EYA2: variants seen among roughly 807,000 people sequenced by gnomAD.
The protein encoded by EYA2 is EYA transcriptional coactivator and phosphatase 2.
Under a neutral mutation model 69.2 loss-of-function variants are expected in EYA2, and 31 were observed. That is an observed-to-expected ratio of 0.45 (90% confidence interval 0.34 to 0.60). EYA2 has a LOEUF of 0.60. Among genes scored for constraint, EYA2 ranks in the 20% least tolerant of loss-of-function variants. The pLI, the probability that EYA2 is intolerant of heterozygous loss-of-function variation, is 0.02. For synonymous variants in EYA2, 257 were observed against 279.4 expected (o/e 0.92, Z 0.80); for missense variants, 622 against 701.2 (o/e 0.89, Z 1.28).
chr20:47,020,600 A>G (rs1018384235), intron 5 of EYA2, among the ~76,000 whole-genome samples: 5 of 149,208 alleles, frequency 3.4e-5, no homozygotes, highest in African/African-American at 1.0e-4. Context: ...AAAGAGGGGG[A>G]AAAAAATCTC....
chr20:46,954,575 C>T (rs770663464), intron 1 of EYA2, among the ~76,000 whole-genome samples: 6 of 152,174 alleles, frequency 3.9e-5, no homozygotes, highest in Non-Finnish European at 8.8e-5. Flanking sequence ...GTTTTTATGC[C>T]ACCTCTCTCC....
chr20:47,030,179 T>A (rs1235294843), intron 5 of EYA2, among the ~76,000 whole-genome samples: 1 of 152,220 alleles, frequency 6.6e-6, no homozygotes, highest in East Asian at 1.9e-4. Flanking sequence ...AATGTTTGGT[T>A]GGATATTTGA....
intron 1 of EYA2, among the ~76,000 whole-genome samples, chr20:46,972,470 C>T (rs1344450982): frequency 3.9e-5 from 6 of 152,150 alleles, no homozygotes; most frequent in South Asian, 2.1e-4. Context: ...CACCTTGTTC[C>T]GGCTCTGCCT....
intron 1 of EYA2, among the ~76,000 whole-genome samples, chr20:46,933,931 C>T (rs1336888685): frequency 6.6e-6 from 1 of 152,202 alleles, no homozygotes; most frequent in African/African-American, 2.4e-5. Flanking sequence ...ATGAATTTAC[C>T]CCACAGTATT....
intron 1 of EYA2, among the ~76,000 whole-genome samples, chr20:46,921,907 T>C (rs1985197735): frequency 6.6e-6 from 1 of 152,202 alleles, no homozygotes; most frequent in Admixed American, 6.5e-5. Context: ...CTAATACAGG[T>C]GGTTTTGCAT....
chr20:46,961,111 G>A (rs1979448446), intron 1 of EYA2, among the ~76,000 whole-genome samples: 1 of 152,206 alleles, frequency 6.6e-6, no homozygotes, highest in Non-Finnish European at 1.5e-5. Context: ...GAGGCAGGCG[G>A]GTCACCTGAA....
Position 47,179,932 on chromosome 20 carries a change from T to TA in EYA2, c.1313+20_1313+21insA. On this transcript the variant is annotated intron_variant, in intron 13 of 15. Transcript: ENST00000327619. ...CTCCCGGCAAGTGGCAGCCCTCATT[T>TA]TCCTCTGTGCCACTGAACTTTCTCG... 6.3e-7 allele frequency: 1 copy of TA among 1,585,098 alleles called. No individual in the cohort carries two copies. The highest frequency in any genetic ancestry group is 8.7e-7 in the Non-Finnish European group (1 of 1,154,320).
chr20:47,048,338 A>C (rs2030153708), intron 5 of EYA2, among the ~76,000 whole-genome samples: 1 of 152,236 alleles, frequency 6.6e-6, no homozygotes, highest in African/African-American at 2.4e-5. Context: ...GTTATTACAT[A>C]TGAGAAACTG....
chr20:47,051,622 G>A (rs1002337755), intron 5 of EYA2, among the ~76,000 whole-genome samples: 10 of 152,106 alleles, frequency 6.6e-5, no homozygotes, highest in South Asian at 4.1e-4. Context: ...GACCCAACCC[G>A]GACCCCAGTG....
intron 1 of EYA2, among the ~76,000 whole-genome samples, chr20:46,896,797 T>TC: frequency 6.6e-6 from 1 of 152,318 alleles, no homozygotes; most frequent in Non-Finnish European, 1.5e-5. Flanking sequence ...AGTTTATATG[T>TC]CCCCATTCTC....
intron 9 of EYA2, among the ~76,000 whole-genome samples, chr20:47,138,346 C>G (rs974825951): frequency 1.3e-4 from 20 of 152,028 alleles, no homozygotes; most frequent in African/African-American, 4.6e-4. Context: ...TAAGAATGCT[C>G]CAAGAGTAGG....
At chr20:46,898,913 C>T (rs1983952505) in intron 1 of EYA2, among the ~76,000 whole-genome samples, 1 of 152,178 alleles carries the variant, frequency 6.6e-6, no homozygotes, top group Non-Finnish European at 1.5e-5. Context: ...TCATTTTCAT[C>T]CTATTGAGTT....
At chr20:47,035,837 G>A (rs923179620) in intron 5 of EYA2, among the ~76,000 whole-genome samples, 36 of 150,710 alleles carry the variant, frequency 2.4e-4, no homozygotes, top group Admixed American at 6.6e-4. Context: ...GCAAAACCCC[G>A]TCTCTGAAAA....
intron 1 of EYA2, among the ~76,000 whole-genome samples, chr20:46,924,231 G>A (rs1366176761): frequency 1.3e-5 from 2 of 152,130 alleles, no homozygotes; most frequent in Admixed American, 6.6e-5. Context: ...GCACGGTATG[G>A]GTGGCACATG....
At chr20:46,900,548 A>C (rs1984051369) in intron 1 of EYA2, among the ~76,000 whole-genome samples, 1 of 152,216 alleles carries the variant, frequency 6.6e-6, no homozygotes, top group Non-Finnish European at 1.5e-5. Context: ...TGCTGAAAAC[A>C]TATACACTTC....
chr20:46,994,179 G>C (rs976173347), intron 2 of EYA2, among the ~76,000 whole-genome samples: 6 of 152,158 alleles, frequency 3.9e-5, no homozygotes, highest in African/African-American at 1.4e-4. Context: ...TTCTACATTT[G>C]CATCGTACTG....
intron 3 of EYA2, 107 bp from the exon 4 acceptor site, chr20:47,004,835 C>G (rs746715549): frequency 6.9e-7 from 1 of 1,459,050 alleles, no homozygotes; most frequent in Non-Finnish European, 9.6e-7. Flanking sequence ...TGTCTCTGCT[C>G]TGGAAAGAGT....
intron 1 of EYA2, among the ~76,000 whole-genome samples, chr20:46,968,004 G>A (rs755517789): frequency 6.6e-6 from 1 of 152,226 alleles, no homozygotes; most frequent in Non-Finnish European, 1.5e-5. Context: ...GATTGGTCTG[G>A]ATGAGATATG....
chr20:47,082,347 A>G (rs1287728103), intron 7 of EYA2, among the ~76,000 whole-genome samples: 1 of 152,150 alleles, frequency 6.6e-6, no homozygotes, highest in Non-Finnish European at 1.5e-5. Context: ...TCACCTATGT[A>G]GAAAATCTGA....
Sources: allele counts gnomAD v4.1 joint callset (sites outside exome capture counted in the v4.1 genomes callset), GRCh38; gene constraint gnomAD v4.1.1; transcripts MANE v1.5; gene names NCBI Gene and HGNC (gene_info 2026-07-23, HGNC 2026-07-21).